CDH20: variants seen among roughly 807,000 people sequenced by gnomAD.
CDH20 encodes cadherin 20.
A neutral mutation model predicts 74.2 loss-of-function variants in CDH20; 29 were observed. The ratio of observed to expected loss-of-function variants is 0.39; its 90% confidence interval spans 0.29 to 0.53. CDH20 has a LOEUF of 0.53. Among genes scored for constraint, CDH20 ranks in the 20% least tolerant of loss-of-function variants. The probability of loss-of-function intolerance (pLI) is 0.69; values close to 1 mark genes in which losing one functional copy is unlikely to be tolerated. For synonymous variants in CDH20, 469 were observed against 405.4 expected (o/e 1.16, Z -1.88); for missense variants, 988 against 1,048.3 (o/e 0.94, Z 0.79).
chr18:61,499,591 G>T, intron 3 of CDH20, 111 bp downstream of exon 3: 1 of 873,392 alleles, frequency 1.1e-6, no homozygotes, highest in Non-Finnish European at 1.7e-6. Context: ...TTCAGAACAG[G>T]AGAGCATGAG....
At chr18:61,522,074 T>C (rs1435614370) in intron 6 of CDH20, among the ~76,000 whole-genome samples, 1 of 152,160 alleles carries the variant, frequency 6.6e-6, no homozygotes, top group Non-Finnish European at 1.5e-5. Context: ...GCCAGGGCAA[T>C]TGGGCAAGAT....
chr18:61,470,694 GGAAA>G (rs1437003637), intron 1 of CDH20, among the ~76,000 whole-genome samples: 1 of 152,084 alleles, frequency 6.6e-6, no homozygotes, highest in East Asian at 1.9e-4. Flanking sequence ...GAGGAAGAAA[GGAAA>G]GAATTTTGAC....
intron 1 of CDH20, among the ~76,000 whole-genome samples, chr18:61,451,419 C>T (rs1221350288): frequency 6.6e-6 from 1 of 152,018 alleles, no homozygotes; most frequent in Non-Finnish European, 1.5e-5. Context: ...ACTATCACAT[C>T]TGGATAGTGG....
Position 61,555,632 on chromosome 18 carries a change from C to T in CDH20, c.*937C>T. 1 of 983,428 alleles carries T rather than the reference C, an allele frequency of 1.0e-6. No homozygotes were observed. The highest frequency in any genetic ancestry group is 1.2e-6 in the Non-Finnish European group (1 of 828,192). The allele number at this position is 983,428 out of a possible 1,614,324, so 60.9% of individuals were successfully genotyped here. A position where few individuals can be genotyped will look rare whatever the true frequency, so the allele number is the denominator to read the frequency against. ...ACATACTGTAGATAACCTACTTGAA[C>T]AAAAATCAGTATTATAGAGAATAAA... On this transcript the variant is annotated 3_prime_UTR_variant, in exon 12 of 12. Transcript: ENST00000262717.
At chr18:61,482,613 C>T (rs1345497933) in intron 1 of CDH20, among the ~76,000 whole-genome samples, 1 of 151,478 alleles carries the variant, frequency 6.6e-6, no homozygotes, top group Non-Finnish European at 1.5e-5. Context: ...GCCTCAGATG[C>T]CATTGCCCAC....
intron 5 of CDH20, among the ~76,000 whole-genome samples, chr18:61,503,425 G>A (rs1352652184): frequency 1.3e-5 from 2 of 151,998 alleles, no homozygotes; most frequent in Non-Finnish European, 2.9e-5. Context: ...TAAGGAATAA[G>A]TTTTGTTGGG....
At chr18:61,461,328 TAAA>T (rs33964985) in intron 1 of CDH20, among the ~76,000 whole-genome samples, 9,736 of 129,454 alleles carry the variant, frequency 0.075, 1,094 homozygotes, top group African/African-American at 0.25. Flanking sequence ...CTGGGTGACT[TAAA>T]AAAAAAAAAA....
chr18:61,536,411 G>A, intron 7 of CDH20, 82 bp from the exon 8 acceptor site: 2 of 1,077,758 alleles, frequency 1.9e-6, no homozygotes. Context: ...GTTTCATATG[G>A]TAGGCACTCA....
chr18:61,375,075 G>A (rs1911173131), intron 1 of CDH20, among the ~76,000 whole-genome samples: 1 of 152,014 alleles, frequency 6.6e-6, no homozygotes, highest in Admixed American at 6.6e-5. Flanking sequence ...ATGTGAATCT[G>A]GTTTTAATTC....
intron 1 of CDH20, among the ~76,000 whole-genome samples, chr18:61,385,431 G>A (rs1456221051): frequency 1.3e-5 from 2 of 151,928 alleles, no homozygotes; most frequent in Non-Finnish European, 2.9e-5. Context: ...ATAAATATAT[G>A]AAAGGAAATA....
At chr18:61,472,754 T>C (rs904717994) in intron 1 of CDH20, among the ~76,000 whole-genome samples, 1 of 152,236 alleles carries the variant, frequency 6.6e-6, no homozygotes, top group Non-Finnish European at 1.5e-5. Context: ...TAGTCACTAG[T>C]GCCCGTTAAA....
At chr18:61,444,194 C>A (rs1221660060) in intron 1 of CDH20, among the ~76,000 whole-genome samples, 1 of 152,122 alleles carries the variant, frequency 6.6e-6, no homozygotes, top group Admixed American at 6.6e-5. Context: ...CCATAGATTT[C>A]AACCTCCAAA....
chr18:61,447,194 T>C (rs1909229819), intron 1 of CDH20, among the ~76,000 whole-genome samples: 1 of 152,098 alleles, frequency 6.6e-6, no homozygotes, highest in African/African-American at 2.4e-5. Flanking sequence ...ACCTAGTGAG[T>C]TCAGTTGGGA....
intron 1 of CDH20, among the ~76,000 whole-genome samples, chr18:61,374,540 C>T (rs915011276): frequency 3.3e-5 from 5 of 152,064 alleles, no homozygotes; most frequent in African/African-American, 1.2e-4. Flanking sequence ...TTGTATTCTG[C>T]CCATGTTTGT....
chr18:61,491,355 A>T (rs943469185), intron 2 of CDH20, among the ~76,000 whole-genome samples: 3 of 152,226 alleles, frequency 2.0e-5, no homozygotes, highest in Non-Finnish European at 4.4e-5. Context: ...TTTCATCTTT[A>T]ATCCTGGATT....
At chr18:61,442,912 TG>T (rs112628065) in intron 1 of CDH20, among the ~76,000 whole-genome samples, 1,148 of 10,592 alleles carry the variant, frequency 0.11, 11 homozygotes, top group Admixed American at 0.17. Flanking sequence ...CCCGGGATCC[TG>T]AAAAAAAAAA....
Position 61,555,290 on chromosome 18 carries a change from AGG to A in CDH20, c.*597_*598del. 6.4e-5 allele frequency: 1 copy of A among 15,510 alleles called. No individual in the cohort carries two copies. Among genetic ancestry groups the A allele is most frequent in the Non-Finnish European group, 9.8e-5 (1 of 10,226 alleles). 1.0% of individuals were successfully genotyped at this position (15,510 alleles called of 1,614,324 possible). On this transcript the variant is annotated 3_prime_UTR_variant, in exon 12 of 12. Transcript: ENST00000262717. ...CCTTGCATGGGGGTGGATGGGTGGG[AGG>A]GTGGGTGAAGGAAGAGACATTGACT...
intron 6 of CDH20, among the ~76,000 whole-genome samples, chr18:61,523,740 T>TA (rs1324868351): frequency 2.0e-5 from 3 of 152,070 alleles, no homozygotes; most frequent in African/African-American, 7.2e-5. Context: ...TATGCAGCCA[T>TA]AAAAAAGGAG....
chr18:61,473,884 C>A (rs1046846243), intron 1 of CDH20, among the ~76,000 whole-genome samples: 1 of 152,200 alleles, frequency 6.6e-6, no homozygotes, highest in Non-Finnish European at 1.5e-5. Flanking sequence ...TATCTAGAAT[C>A]AAGCATCATC....
Sources: allele counts gnomAD v4.1 joint callset (sites outside exome capture counted in the v4.1 genomes callset), GRCh38; gene constraint gnomAD v4.1.1; transcripts MANE v1.5; gene names NCBI Gene and HGNC (gene_info 2026-07-23, HGNC 2026-07-21).